Variants in RALGPS2 observed in about 807,000 individuals in gnomAD.
RALGPS2 encodes the protein ras-specific guanine nucleotide-releasing factor RalGPS2.
Under a neutral mutation model 86.8 loss-of-function variants are expected in RALGPS2, and 43 were observed. That is an observed-to-expected ratio of 0.50 (90% CI 0.39 to 0.64). The LOEUF (loss-of-function observed/expected upper bound fraction) is 0.64. Among genes scored for constraint, RALGPS2 ranks in the 30% least tolerant of loss-of-function variants. RALGPS2 has a pLI of 0.00. For synonymous variants in RALGPS2, 243 were observed against 231.3 expected (o/e 1.05, Z -0.46); for missense variants, 536 against 694.6 (o/e 0.77, Z 2.57).
intron 10 of RALGPS2, among the ~76,000 whole-genome samples, chr1:178,881,527 G>A (rs540087628): frequency 6.6e-6 from 1 of 152,268 alleles, no homozygotes; most frequent in African/African-American, 2.4e-5. Context: ...TCAGCTCACT[G>A]CAACCTCCGC....
intron 1 of RALGPS2, among the ~76,000 whole-genome samples, chr1:178,736,751 A>G (rs1409034954): frequency 6.6e-6 from 1 of 152,058 alleles, no homozygotes; most frequent in Non-Finnish European, 1.5e-5. Flanking sequence ...AATGCAAAAA[A>G]TTAGCCAGGT....
chr1:178,787,788 C>T (rs911552352), intron 4 of RALGPS2, among the ~76,000 whole-genome samples: 1 of 152,130 alleles, frequency 6.6e-6, no homozygotes, highest in Non-Finnish European at 1.5e-5. Context: ...CCCAACACCC[C>T]AATGTAAAAT....
At chr1:178,782,735 C>T (rs1481825806) in intron 2 of RALGPS2, among the ~76,000 whole-genome samples, 1 of 151,922 alleles carries the variant, frequency 6.6e-6, no homozygotes, top group Non-Finnish European at 1.5e-5. Context: ...GAAAGAACTG[C>T]AAGGCTCAGA....
intron 13 of RALGPS2, among the ~76,000 whole-genome samples, chr1:178,888,873 A>G (rs1659602916): frequency 6.6e-6 from 1 of 152,048 alleles, no homozygotes; most frequent in African/African-American, 2.4e-5. Flanking sequence ...TGCCCGTAAA[A>G]AAGAGTTTGA....
chr1:178,861,547 T>C (rs1361288177), intron 8 of RALGPS2, among the ~76,000 whole-genome samples: 1 of 152,076 alleles, frequency 6.6e-6, no homozygotes, highest in East Asian at 1.9e-4. Context: ...TGTCAGTGTT[T>C]AAAAATGTGA....
At chr1:178,804,127 C>CA (rs1297452282) in intron 4 of RALGPS2, among the ~76,000 whole-genome samples, 1 of 144,416 alleles carries the variant, frequency 6.9e-6, no homozygotes, top group African/African-American at 2.6e-5. Context: ...TTGCATGTAT[C>CA]ATGTTTAAGA....
At chr1:178,862,589 TTTTTTTTATTTATTTA>T (rs1044680332) in intron 8 of RALGPS2, among the ~76,000 whole-genome samples, 15 of 129,424 alleles carry the variant, frequency 1.2e-4, no homozygotes, top group African/African-American at 4.2e-4. Flanking sequence ...AGGAGTTGCA[TTTTTTTTATTTATTTA>T]TTTATTTATT....
At chr1:178,868,131 T>C (rs377003842) in intron 8 of RALGPS2, among the ~76,000 whole-genome samples, 2 of 151,992 alleles carry the variant, frequency 1.3e-5, no homozygotes, top group Admixed American at 6.6e-5. Context: ...TTTTATGTTT[T>C]CATACCTTGC....
chr1:178,890,950 C>A (rs1032460190), intron 14 of RALGPS2, among the ~76,000 whole-genome samples: 2 of 151,980 alleles, frequency 1.3e-5, no homozygotes, highest in Non-Finnish European at 2.9e-5. Flanking sequence ...GTCTTTCCCT[C>A]TAGAAAGAAC....
At chr1:178,729,768 C>T (rs1010580225) in intron 1 of RALGPS2, among the ~76,000 whole-genome samples, 1 of 152,214 alleles carries the variant, frequency 6.6e-6, no homozygotes, top group African/African-American at 2.4e-5. Flanking sequence ...CTGAATTTTT[C>T]TGGCCCCAAG....
At chr1:178,843,873 A>T (rs1433083610) in intron 8 of RALGPS2, among the ~76,000 whole-genome samples, 2 of 152,224 alleles carry the variant, frequency 1.3e-5, no homozygotes, top group Non-Finnish European at 2.9e-5. Flanking sequence ...AACATTTGTC[A>T]GATGAGTTTT....
chr1:178,854,570 T>C (rs1253888858), intron 8 of RALGPS2, among the ~76,000 whole-genome samples: 1 of 151,946 alleles, frequency 6.6e-6, no homozygotes, highest in East Asian at 1.9e-4. Flanking sequence ...ATCTAAAGAG[T>C]TGTATCAATC....
chr1:178,851,240 G>C, intron 8 of RALGPS2: 1 of 1,613,912 alleles, frequency 6.2e-7, no homozygotes, highest in Non-Finnish European at 8.5e-7. Flanking sequence ...GGCCTCCTCT[G>C]TACCATACTC....
chr1:178,916,459 C>CTCTGGG lies in RALGPS2; in HGVS notation c.*100_*101insTCTGGG. On this transcript the variant is annotated 3_prime_UTR_variant, in exon 20 of 20. Coordinates refer to ENST00000367635, the MANE Select transcript of RALGPS2 (RefSeq NM_152663.5). ...TAAACCATCCTGTGCCAGGAAGAGC[C>CTCTGGG]CAGAGGCTCTGTCTCAGTCGTTGGA... The CTCTGGG allele has an allele frequency of 8.7e-7, 1 of 1,146,878 alleles. No individual in the cohort carries two copies. Among genetic ancestry groups the CTCTGGG allele is most frequent in the Non-Finnish European group, 1.2e-6 (1 of 803,026 alleles). The allele number at this position is 1,146,878 out of a possible 1,614,324, so 71.0% of individuals were successfully genotyped here. A position where few individuals can be genotyped will look rare whatever the true frequency, so the allele number is the denominator to read the frequency against.
intron 8 of RALGPS2, chr1:178,865,074 C>G (rs755948880): frequency 1.3e-6 from 2 of 1,525,502 alleles, no homozygotes; most frequent in South Asian, 1.3e-5. Flanking sequence ...TCGTTACCTC[C>G]CAGCAGACCA....
intron 8 of RALGPS2, among the ~76,000 whole-genome samples, chr1:178,860,329 A>G (rs1657914958): frequency 6.6e-6 from 1 of 152,210 alleles, no homozygotes; most frequent in African/African-American, 2.4e-5. Context: ...ATGTGTTTGA[A>G]AAATGTTTTT....
At chr1:178,828,690 C>G (rs1445671101) in intron 7 of RALGPS2, among the ~76,000 whole-genome samples, 1 of 152,166 alleles carries the variant, frequency 6.6e-6, no homozygotes, top group East Asian at 1.9e-4. Flanking sequence ...CGCTAATCAT[C>G]AGGGCAGTGC....
intron 1 of RALGPS2, among the ~76,000 whole-genome samples, chr1:178,756,572 T>C (rs1030872261): frequency 1.3e-5 from 2 of 152,216 alleles, no homozygotes; most frequent in Middle Eastern, 3.2e-3. Context: ...CCTTATGGTA[T>C]AGTTTGAACT....
intron 13 of RALGPS2, 24 bp downstream of exon 13, chr1:178,886,144 G>A (rs1178969597): frequency 6.3e-7 from 1 of 1,595,018 alleles, no homozygotes; most frequent in Admixed American, 1.8e-5. Flanking sequence ...CTCTGAGAGG[G>A]TTGCAATTTA....
Sources: allele counts gnomAD v4.1 joint callset (sites outside exome capture counted in the v4.1 genomes callset), GRCh38; gene constraint gnomAD v4.1.1; transcripts MANE v1.5; gene names NCBI Gene and HGNC (gene_info 2026-07-23, HGNC 2026-07-21).